Variants in RAPH1 observed in about 807,000 individuals in gnomAD.
The protein encoded by RAPH1 is ras-associated and pleckstrin homology domains-containing protein 1.
In RAPH1, 18 loss-of-function variants were observed where a neutral mutation model predicts 88.1. That is an observed-to-expected ratio of 0.20 (90% CI 0.14 to 0.30). RAPH1 has a LOEUF of 0.30. Ranked by LOEUF, RAPH1 falls within the 10% of genes least tolerant of loss-of-function variation. The pLI is 1.00. For synonymous variants in RAPH1, 587 were observed against 559.0 expected (o/e 1.05, Z -0.71); for missense variants, 1,448 against 1,543.2 (o/e 0.94, Z 1.03).
intron 1 of RAPH1, among the ~76,000 whole-genome samples, chr2:203,529,005 A>ATATATATATATT (rs1553633903): frequency 2.4e-5 from 1 of 41,154 alleles, no homozygotes; most frequent in African/African-American, 1.2e-4. Context: ...ATATATATAT[A>ATATATATATATT]TTTTTTTTTT....
rs200542761 is a variant in RAPH1, at chr2:203,434,040, A to G, written c.*5397T>C. 3 of 145,398 alleles carry G rather than the reference A, an allele frequency of 2.1e-5. No individual in the cohort carries two copies. 9.0% of individuals were successfully genotyped at this position (145,398 alleles called of 1,614,324 possible). ...GTAGTACTGAATATATCTCTCTCAT[A>G]TATCTATCTATCTATCTATATATAT... On this transcript the variant is annotated 3_prime_UTR_variant, in exon 14 of 14. Coordinates refer to ENST00000319170, the MANE Select transcript of RAPH1 (RefSeq NM_213589.3).
chr2:203,503,957 G>A (rs1368059729), intron 1 of RAPH1, among the ~76,000 whole-genome samples: 8 of 152,178 alleles, frequency 5.3e-5, no homozygotes, highest in African/African-American at 1.4e-4. Flanking sequence ...TCCTGGTCAC[G>A]CTGATGCAAA....
At chr2:203,466,988 G>GA (rs906300945) in intron 4 of RAPH1, among the ~76,000 whole-genome samples, 1 of 152,174 alleles carries the variant, frequency 6.6e-6, no homozygotes, top group African/African-American at 2.4e-5. Flanking sequence ...AAACCCAGTT[G>GA]AAATTAAGGG....
At chr2:203,471,746 T>G (rs2098533284) in intron 4 of RAPH1, among the ~76,000 whole-genome samples, 1 of 152,128 alleles carries the variant, frequency 6.6e-6, no homozygotes, top group Non-Finnish European at 1.5e-5. Context: ...TTTTATTGTC[T>G]GCATTTTTAA....
intron 4 of RAPH1, among the ~76,000 whole-genome samples, chr2:203,471,845 A>G (rs1296369675): frequency 6.6e-6 from 1 of 151,712 alleles, no homozygotes; most frequent in Non-Finnish European, 1.5e-5. Context: ...CTAAGGTCCA[A>G]TTTTTTTAAT....
intron 1 of RAPH1, among the ~76,000 whole-genome samples, chr2:203,514,834 A>G (rs1689525476): frequency 6.6e-6 from 1 of 152,188 alleles, no homozygotes; most frequent in East Asian, 1.9e-4. Context: ...GCTTACAGGC[A>G]TGAGCCACCG....
Position 203,436,364 on chromosome 2 carries a change from A to C in RAPH1, c.*3073T>G, listed in dbSNP as rs566352233. 1 of 152,314 alleles carries C rather than the reference A, an allele frequency of 6.6e-6. No individual in the cohort carries two copies. The highest frequency in any genetic ancestry group is 1.9e-4 in the East Asian group (1 of 5,176). 9.4% of individuals were successfully genotyped at this position (152,314 alleles called of 1,614,324 possible). On this transcript the variant is annotated 3_prime_UTR_variant, in exon 14 of 14. Transcript: ENST00000319170. ...GTGGGTATCTGTAAAAACCTTAAGA[A>C]TAGTTACTCTTCCCAAGAGAATTAC... is the stretch of plus-strand genomic sequence containing the variant.
At chr2:203,482,583 T>C (rs1482559247) in intron 4 of RAPH1, among the ~76,000 whole-genome samples, 5 of 152,236 alleles carry the variant, frequency 3.3e-5, no homozygotes, top group African/African-American at 9.6e-5. Context: ...GAATTTGCTA[T>C]AAACTAATAG....
intron 1 of RAPH1, among the ~76,000 whole-genome samples, chr2:203,520,511 G>C (rs879736879): frequency 1.3e-5 from 2 of 151,652 alleles, no homozygotes; most frequent in African/African-American, 4.8e-5. Flanking sequence ...CCTGTAGTTC[G>C]AGCTACTCAG....
At chr2:203,462,264 G>A (rs969326204) in intron 4 of RAPH1, among the ~76,000 whole-genome samples, 6 of 152,172 alleles carry the variant, frequency 3.9e-5, no homozygotes, top group Non-Finnish European at 7.3e-5. Flanking sequence ...ATGTATAGTG[G>A]TGACAATTTG....
In RAPH1 at chr2:203,473,712, G is replaced by C. The variant is rs183817652; in HGVS notation, c.733-11787C>G. Among the ~76,000 whole-genome samples, 320 of 152,170 alleles carry C rather than the reference G, an allele frequency of 2.1e-3. 3 individuals are homozygous for C. The highest frequency in any genetic ancestry group is 3.0e-3 in the Non-Finnish European group (205 of 68,004). On this transcript the variant is annotated intron_variant, in intron 4 of 13. Transcript: ENST00000319170. Reference sequence around the variant, plus strand: ...ATGGTTTGGGCATGGCATCCAATCAGGCTTCAGTCTTGGTTTATGTTGTGA... The same window carrying C: ...ATGGTTTGGGCATGGCATCCAATCACGCTTCAGTCTTGGTTTATGTTGTGA...
At position 203,439,368 on chromosome 2, in the gene RAPH1, TCA is replaced by T; in HGVS notation, c.*67_*68del. 1 of 1,457,182 alleles carries T rather than the reference TCA, an allele frequency of 6.9e-7. No individual in the cohort carries two copies. The highest frequency in any genetic ancestry group is 9.5e-7 in the Non-Finnish European group (1 of 1,056,378). 90.3% of individuals were successfully genotyped at this position (1,457,182 alleles called of 1,614,324 possible). ...ACCAGGAGGCTCTGAACACCTGAAT[TCA>T]CAGATGATCAGGTGAGCTGATTGTA... On this transcript the variant is annotated 3_prime_UTR_variant, in exon 14 of 14. Coordinates refer to ENST00000319170, the MANE Select transcript of RAPH1 (RefSeq NM_213589.3).
At chr2:203,498,199 C>A (rs1324889409) in intron 1 of RAPH1, among the ~76,000 whole-genome samples, 1 of 152,144 alleles carries the variant, frequency 6.6e-6, no homozygotes, top group Non-Finnish European at 1.5e-5. Flanking sequence ...GCACTGTTGT[C>A]CAACAGATAC....
chr2:203,451,764 C>T (rs1280347841), intron 10 of RAPH1, among the ~76,000 whole-genome samples: 1 of 152,206 alleles, frequency 6.6e-6, no homozygotes, highest in Non-Finnish European at 1.5e-5. Context: ...TCTTTCCTGG[C>T]AGAGCCTTAC....
At chr2:203,488,588 T>TGA (rs1553626729) in intron 4 of RAPH1, among the ~76,000 whole-genome samples, 1 of 36,652 alleles carries the variant, frequency 2.7e-5, no homozygotes, top group African/African-American at 1.1e-4. Context: ...CTCCGTCTAT[T>TGA]AAAAAAAAAA....
At chr2:203,482,016 A>AC (rs1687752755) in intron 4 of RAPH1, among the ~76,000 whole-genome samples, 4 of 151,816 alleles carry the variant, frequency 2.6e-5, no homozygotes, top group East Asian at 1.9e-4. Flanking sequence ...CAGAAAAAAA[A>AC]AACACACACA....
At chr2:203,528,075 A>C (rs1690206300) in intron 1 of RAPH1, among the ~76,000 whole-genome samples, 1 of 152,210 alleles carries the variant, frequency 6.6e-6, no homozygotes, top group Non-Finnish European at 1.5e-5. Context: ...AGATGAAGTA[A>C]GCATTTATCT....
chr2:203,448,870 C>G lies in RAPH1; in HGVS notation c.1414-34G>C, dbSNP rs773658283. 8.3e-6 allele frequency: 12 copies of G among 1,443,836 alleles called. 1 individual carries two copies. In the South Asian group the frequency reaches 1.3e-4, roughly 16 times the overall value. The allele number at this position is 1,443,836 out of a possible 1,614,324, so 89.4% of individuals were successfully genotyped here. A position where few individuals can be genotyped will look rare whatever the true frequency, so the allele number is the denominator to read the frequency against. The stretch of plus-strand genomic sequence containing the variant: ...TTAAAGACAAAATCCAACTAAGTCC[C>G]TTGGAGAACTAAAGAAAAACAAACT... On this transcript the variant is annotated intron_variant, in intron 10 of 13. Coordinates refer to ENST00000319170, the MANE Select transcript of RAPH1 (RefSeq NM_213589.3). This position sits in a 1 kb window ranked among gnomAD's most constrained non-coding sequence, Gnocchi z 4.1.
At chr2:203,498,302 T>C (rs1261321367) in intron 1 of RAPH1, among the ~76,000 whole-genome samples, 1 of 152,212 alleles carries the variant, frequency 6.6e-6, no homozygotes, top group African/African-American at 2.4e-5. Context: ...ATGGTGACTA[T>C]ATTCTCCATA....
Sources: gnomAD v4.1 joint callset for allele counts (sites outside exome capture counted in the v4.1 genomes callset) on GRCh38, gnomAD v4.1.1 for gene constraint, Gnocchi (gnomAD v3.1) non-coding constraint, MANE v1.5 for transcripts, NCBI Gene and HGNC (gene_info 2026-07-23, HGNC 2026-07-21) for gene names.